Variants in PAPSS2 observed in about 807,000 individuals in gnomAD.
PAPSS2 encodes the protein bifunctional 3'-phosphoadenosine 5'-phosphosulfate synthase 2.
A neutral mutation model predicts 66.5 loss-of-function variants in PAPSS2; 61 were observed. The observed-to-expected ratio is 0.92, with a 90% CI of 0.75 to 1.14. PAPSS2 has a LOEUF of 1.14. Among genes scored for constraint, PAPSS2 ranks in the 50% most tolerant of loss-of-function variants. The pLI is 0.00. For missense variants in PAPSS2, 708 were observed against 789.6 expected (o/e 0.90, Z 1.24); for synonymous variants, 289 against 287.5 (o/e 1.01, Z -0.05).
chr10:87,729,021 T>C lies in PAPSS2; in HGVS notation c.1086+1532T>C, dbSNP rs138548848. Among the ~76,000 whole-genome samples, 30 of 152,226 alleles carry C rather than the reference T, an allele frequency of 2.0e-4. No individual in the cohort carries two copies. The East Asian group carries it at 4.8e-3, about 24-fold the overall frequency. On this transcript the variant is annotated intron_variant, in intron 9 of 12. Transcript: ENST00000456849. ...ATGGAGTCTTGCTCTGTCATAATCA[T>C]ATAGGTTTGGGATTTTATCTTTACT...
At chr10:87,664,953 T>C (rs1852797442) in intron 1 of PAPSS2, among the ~76,000 whole-genome samples, 1 of 152,236 alleles carries the variant, frequency 6.6e-6, no homozygotes, top group African/African-American at 2.4e-5. Context: ...AATAAATGAA[T>C]GAGTAAATGG....
intron 9 of PAPSS2, among the ~76,000 whole-genome samples, chr10:87,739,031 T>C (rs1018282520): frequency 6.6e-6 from 1 of 152,230 alleles, no homozygotes; most frequent in African/African-American, 2.4e-5. Flanking sequence ...TTGCAATTTT[T>C]TTTGCTTTTG....
intron 11 of PAPSS2, among the ~76,000 whole-genome samples, chr10:87,744,121 C>G (rs1310765023): frequency 6.6e-6 from 1 of 151,896 alleles, no homozygotes; most frequent in African/African-American, 2.4e-5. Context: ...AAGAAAGATG[C>G]TAGAAACATC....
intron 9 of PAPSS2, among the ~76,000 whole-genome samples, chr10:87,735,531 T>C (rs1297706848): frequency 6.6e-6 from 1 of 152,198 alleles, no homozygotes; most frequent in Non-Finnish European, 1.5e-5. Context: ...TGTATAGGTA[T>C]GGATATTTGA....
intron 9 of PAPSS2, among the ~76,000 whole-genome samples, chr10:87,731,523 A>G (rs1314446748): frequency 6.6e-6 from 1 of 152,236 alleles, no homozygotes; most frequent in East Asian, 1.9e-4. Flanking sequence ...TAGCTGCTCT[A>G]GATGGTGATT....
At chr10:87,737,977 CT>C (rs1222153084) in intron 9 of PAPSS2, among the ~76,000 whole-genome samples, 1 of 152,106 alleles carries the variant, frequency 6.6e-6, no homozygotes, top group Non-Finnish European at 1.5e-5. Context: ...GTAATATTTG[CT>C]TTTTTGTGAC....
At chr10:87,721,355 T>C (rs142661176) in intron 7 of PAPSS2, among the ~76,000 whole-genome samples, 214 of 152,304 alleles carry the variant, frequency 1.4e-3, no homozygotes, top group Admixed American at 2.8e-3. Context: ...TCCCAAAGCC[T>C]AGTTTGGAAA....
intron 1 of PAPSS2, among the ~76,000 whole-genome samples, chr10:87,693,695 A>T (rs150082711): frequency 5.3e-5 from 8 of 152,378 alleles, no homozygotes; most frequent in African/African-American, 1.2e-4. Flanking sequence ...GCATTGGTTC[A>T]CATTAGCTTA....
intron 1 of PAPSS2, among the ~76,000 whole-genome samples, chr10:87,677,960 T>C (rs1363192676): frequency 6.6e-6 from 1 of 152,162 alleles, no homozygotes; most frequent in Non-Finnish European, 1.5e-5. Flanking sequence ...GAATTTATTT[T>C]ATAAAGAAAA....
At chr10:87,736,692 C>A (rs965266595) in intron 9 of PAPSS2, among the ~76,000 whole-genome samples, 3 of 152,228 alleles carry the variant, frequency 2.0e-5, no homozygotes, top group Admixed American at 6.5e-5. Flanking sequence ...GTGTAACTAA[C>A]AAACTGCTAA....
rs374321628 is a variant in PAPSS2, at chr10:87,714,756, A to G, written c.532A>G (p.Ile178Val). ...CATATGCTTTGCAGGATTTACAGGT[A>G]TTGATTCTGATTATGAGAAACCTGA... Reference protein sequence around the residue: ...RAGEIKGFTGIDSDYEKPETP... With the variant: ...RAGEIKGFTGVDSDYEKPETP... The change falls in exon 5 of 13, where the codon ATT (isoleucine) becomes GTT (valine). Residue 178 changes from isoleucine (I) to valine (V), a missense_variant. Physicochemically the swap from Ile to Val is conservative, Grantham distance 29 (BLOSUM62 3). Coordinates refer to ENST00000456849, the MANE Select transcript of PAPSS2 (RefSeq NM_001015880.2). 6.3e-7 allele frequency: 1 copy of G among 1,593,622 alleles called. No individual in the cohort carries two copies. Among genetic ancestry groups the G allele is most frequent in the Non-Finnish European group, 8.6e-7 (1 of 1,161,430 alleles).
intron 10 of PAPSS2, among the ~76,000 whole-genome samples, chr10:87,742,873 T>C (rs1313883134): frequency 2.0e-5 from 3 of 152,244 alleles, no homozygotes; most frequent in Non-Finnish European, 2.9e-5. Context: ...ATCTCATCCC[T>C]GTCTCAGCTA....
intron 1 of PAPSS2, among the ~76,000 whole-genome samples, chr10:87,679,515 C>G (rs981143472): frequency 1.3e-5 from 2 of 152,166 alleles, no homozygotes; most frequent in African/African-American, 4.8e-5. Flanking sequence ...ATTACACATT[C>G]TATGCATGTA....
At chr10:87,716,119 G>A (rs1853529605) in intron 7 of PAPSS2, among the ~76,000 whole-genome samples, 3 of 152,146 alleles carry the variant, frequency 2.0e-5, no homozygotes, top group Non-Finnish European at 4.4e-5. Flanking sequence ...CTTGCTCTTT[G>A]CTGGTGCTGA....
Position 87,699,015 on chromosome 10 carries a change from G to A in PAPSS2, c.28-10181G>A, listed in dbSNP as rs556082895. ...GACTGCATCAAAGTTGAATGAAACAGCCTTCTTGCTGTTCAGCTGTTTAGA... is the reference window on the plus strand; with the variant it reads ...GACTGCATCAAAGTTGAATGAAACAACCTTCTTGCTGTTCAGCTGTTTAGA... On this transcript the variant is annotated intron_variant, in intron 1 of 12. Coordinates refer to ENST00000456849, the MANE Select transcript of PAPSS2 (RefSeq NM_001015880.2). 2.6e-4 allele frequency among the ~76,000 whole-genome samples: 40 copies of A among 152,336 alleles called. 1 individual carries two copies. In the South Asian group the frequency reaches 8.3e-3, roughly 32 times the overall value.
chr10:87,728,381 A>T (rs1853685509), intron 9 of PAPSS2, among the ~76,000 whole-genome samples: 1 of 152,032 alleles, frequency 6.6e-6, no homozygotes, highest in Admixed American at 6.5e-5. Context: ...GACCCAGGAG[A>T]CTCTAAAAAG....
At chr10:87,708,170 T>G (rs576149325) in intron 1 of PAPSS2, among the ~76,000 whole-genome samples, 1 of 152,310 alleles carries the variant, frequency 6.6e-6, no homozygotes, top group South Asian at 2.1e-4. Flanking sequence ...TACCTCCCAG[T>G]CAGAGTTTAG....
chr10:87,683,353 C>T (rs576178709), intron 1 of PAPSS2, among the ~76,000 whole-genome samples: 64 of 152,150 alleles, frequency 4.2e-4, no homozygotes, highest in Non-Finnish European at 7.7e-4. Context: ...TCAGGTGATC[C>T]GCCCACCTCA....
chr10:87,704,885 A>G (rs956210469), intron 1 of PAPSS2, among the ~76,000 whole-genome samples: 1 of 151,978 alleles, frequency 6.6e-6, no homozygotes, highest in Non-Finnish European at 1.5e-5. Flanking sequence ...CAAGTGATCC[A>G]CCCACCTCAG....
Sources: gnomAD v4.1 joint callset for allele counts (sites outside exome capture counted in the v4.1 genomes callset) on GRCh38, gnomAD v4.1.1 for gene constraint, MANE v1.5 for transcripts, NCBI Gene and HGNC (gene_info 2026-07-23, HGNC 2026-07-21) for gene names.